The following RCAN3 variants were observed in gnomAD, a reference collection of about 807,000 sequenced individuals.
RCAN3 encodes calcipressin-3.
A neutral mutation model predicts 21.9 loss-of-function variants in RCAN3; 19 were observed. The ratio of observed to expected loss-of-function variants is 0.87; its 90% CI spans 0.61 to 1.27. The LOEUF is 1.27. Ranked by LOEUF, RCAN3 falls within the 50% of genes most tolerant of loss-of-function variation. The probability of loss-of-function intolerance (pLI) is 0.00; values close to 1 mark genes in which losing one functional copy is unlikely to be tolerated. For missense variants in RCAN3, 240 were observed against 300.1 expected (o/e 0.80, Z 1.48); for synonymous variants, 114 against 112.3 (o/e 1.01, Z -0.09).
At chr1:24,517,752 G>A (rs1400232510) in intron 2 of RCAN3, among the ~76,000 whole-genome samples, 1 of 152,134 alleles carries the variant, frequency 6.6e-6, no homozygotes, top group East Asian at 1.9e-4. Context: ...CAGCACTTTG[G>A]GAGGCCAAGG....
chr1:24,503,255 G>A (rs1413286805), intron 1 of RCAN3, 105 bp downstream of exon 1: 3 of 147,768 alleles, frequency 2.0e-5, no homozygotes, highest in African/African-American at 7.6e-5. Context: ...CGAGAAGTCC[G>A]GGAGGGGTGG....
At position 24,539,082 on chromosome 1, in the gene RCAN3, T is replaced by A. The variant is rs1429017287; in HGVS notation, c.*3805T>A. On this transcript the variant is annotated 3_prime_UTR_variant, in exon 5 of 5. Transcript: ENST00000374395. ...TACTCTATCCCCATGTTACACAGAT[T>A]AGAAAAACTGAGGTTATGGCACTGA... 6.6e-6 allele frequency: 1 copy of A among 152,206 alleles called. No homozygotes were observed. Among genetic ancestry groups the A allele is most frequent in the African/African-American group, 2.4e-5 (1 of 41,464 alleles). The allele number at this position is 152,206 out of a possible 1,614,324, so 9.4% of individuals were successfully genotyped here.
rs1648150933 is a variant in RCAN3, at chr1:24,514,660, A to C, written c.195+93A>C. ...AGCTTGACTGGTCCCTGACAAATTA[A>C]GTATAGAAAGTGTATGTCCACTTTT... On this transcript the variant is annotated intron_variant, in intron 2 of 4. Transcript: ENST00000374395. 2.4e-6 allele frequency: 3 copies of C among 1,253,428 alleles called. No homozygotes were observed. The African/African-American group carries it at 4.5e-5, about 19-fold the overall frequency. 77.6% of individuals were successfully genotyped at this position (1,253,428 alleles called of 1,614,324 possible).
chr1:24,538,726 A>T lies in RCAN3; in HGVS notation c.*3449A>T, dbSNP rs1182061200. On this transcript the variant is annotated 3_prime_UTR_variant, in exon 5 of 5. Coordinates refer to ENST00000374395, the MANE Select transcript of RCAN3 (RefSeq NM_013441.4). ...CACTGCGCCCGGCCTTAAATAAAAT[A>T]TTGTAGTCATTAATGGTGTGTTTGA... The T allele has an allele frequency of 6.6e-6, 1 of 152,004 alleles. No homozygotes were observed. Among genetic ancestry groups the T allele is most frequent in the African/African-American group, 2.4e-5 (1 of 41,400 alleles). 9.4% of individuals were successfully genotyped at this position (152,004 alleles called of 1,614,324 possible).
At chr1:24,530,015 CAA>C (rs1649622206) in intron 2 of RCAN3, among the ~76,000 whole-genome samples, 1 of 138,686 alleles carries the variant, frequency 7.2e-6, no homozygotes, top group East Asian at 2.1e-4. Context: ...AAAAACAAAA[CAA>C]AATTAAACGA....
intron 1 of RCAN3, among the ~76,000 whole-genome samples, chr1:24,509,712 G>A (rs1647729020): frequency 6.6e-6 from 1 of 152,120 alleles, no homozygotes; most frequent in African/African-American, 2.4e-5. Flanking sequence ...TTCCCAACTT[G>A]TTGATGTTGC....
intron 2 of RCAN3, among the ~76,000 whole-genome samples, chr1:24,516,834 A>C (rs1274246110): frequency 6.6e-6 from 1 of 152,088 alleles, no homozygotes; most frequent in Non-Finnish European, 1.5e-5. Flanking sequence ...AGGGGGCTGC[A>C]CTCGCCAACT....
intron 2 of RCAN3, among the ~76,000 whole-genome samples, chr1:24,527,249 TG>T (rs1423278878): frequency 6.6e-6 from 1 of 152,256 alleles, no homozygotes; most frequent in East Asian, 1.9e-4. Flanking sequence ...TTGATCCGCC[TG>T]CCTCTGCCTC....
At chr1:24,524,831 T>C (rs898617574) in intron 2 of RCAN3, among the ~76,000 whole-genome samples, 1 of 108,240 alleles carries the variant, frequency 9.2e-6, no homozygotes, top group African/African-American at 3.7e-5. Context: ...TTCTTTTGTT[T>C]TTTTTTTTTT....
intron 2 of RCAN3, among the ~76,000 whole-genome samples, chr1:24,519,016 T>A (rs1484206358): frequency 2.6e-5 from 4 of 152,154 alleles, no homozygotes; most frequent in Admixed American, 2.6e-4. Flanking sequence ...CCTCAGATGA[T>A]CTGCCTGCCT....
intron 2 of RCAN3, among the ~76,000 whole-genome samples, chr1:24,514,925 T>C (rs1296536239): frequency 6.7e-6 from 1 of 149,576 alleles, no homozygotes; most frequent in East Asian, 2.0e-4. Context: ...GCTGAGAACA[T>C]GCCACTGCAC....
chr1:24,534,615 GA>G (rs55684532), intron 4 of RCAN3, among the ~76,000 whole-genome samples: 34 of 134,180 alleles, frequency 2.5e-4, no homozygotes, highest in East Asian at 1.3e-3. Context: ...TCAAAAAAAA[GA>G]AAAAAAAAAA....
intron 2 of RCAN3, among the ~76,000 whole-genome samples, chr1:24,523,058 G>A (rs1212985586): frequency 2.6e-5 from 4 of 151,208 alleles, no homozygotes; most frequent in Non-Finnish European, 5.9e-5. Context: ...CTGTGTGTAT[G>A]TACACACACT....
chr1:24,511,438 C>T (rs915285856), intron 1 of RCAN3, among the ~76,000 whole-genome samples: 2 of 152,028 alleles, frequency 1.3e-5, no homozygotes, highest in South Asian at 4.2e-4. Flanking sequence ...AGAACACCCA[C>T]GACGTGTATT....
upstream of RCAN3, among the ~76,000 whole-genome samples, chr1:24,502,660 G>A (rs1475168754): frequency 6.6e-6 from 1 of 151,800 alleles, no homozygotes; most frequent in African/African-American, 2.4e-5. Context: ...CCCCGCCCCA[G>A]CGCTACAGCC....
chr1:24,532,375 T>C (rs886934904), intron 3 of RCAN3, among the ~76,000 whole-genome samples: 3 of 151,944 alleles, frequency 2.0e-5, no homozygotes, highest in Non-Finnish European at 4.4e-5. Flanking sequence ...TACAGGCATA[T>C]GCCACCACAC....
chr1:24,523,641 CATAT>C (rs1553151347), intron 2 of RCAN3, among the ~76,000 whole-genome samples: 5 of 141,662 alleles, frequency 3.5e-5, no homozygotes, highest in Admixed American at 2.8e-4. Context: ...CACACACACA[CATAT>C]ATATTTTTTT....
chr1:24,530,880 G>A (rs1414720230), intron 2 of RCAN3, among the ~76,000 whole-genome samples: 4 of 151,896 alleles, frequency 2.6e-5, no homozygotes, highest in East Asian at 3.9e-4. Context: ...CATGGTGGCC[G>A]GCCCCTATAA....
chr1:24,524,184 C>T (rs1269508044), intron 2 of RCAN3, among the ~76,000 whole-genome samples: 4 of 151,960 alleles, frequency 2.6e-5, no homozygotes, highest in Non-Finnish European at 4.4e-5. Flanking sequence ...GAGCCAAGAT[C>T]GCGCCACTTC....
Sources: allele counts gnomAD v4.1 joint callset (sites outside exome capture counted in the v4.1 genomes callset), GRCh38; gene constraint gnomAD v4.1.1; transcripts MANE v1.5; gene names NCBI Gene and HGNC (gene_info 2026-07-23, HGNC 2026-07-21).